The following TENM1 variants were observed in gnomAD, a reference collection of about 807,000 sequenced individuals.
The protein encoded by TENM1 is teneurin transmembrane protein 1.
In TENM1, 35 loss-of-function variants were observed where a neutral mutation model predicts 174.8. The ratio of observed to expected loss-of-function variants is 0.20; its 90% CI spans 0.15 to 0.27. TENM1 has a LOEUF of 0.27. Among genes scored for constraint, TENM1 ranks in the 10% least tolerant of loss-of-function variants. The probability of loss-of-function intolerance (pLI) is 1.00; values close to 1 mark genes in which losing one functional copy is unlikely to be tolerated. For missense variants in TENM1, 1,633 were observed against 2,130.1 expected, an observed-to-expected ratio of 0.77 and a Z score of 4.59; for synonymous variants, 781 against 798.7, an observed-to-expected ratio of 0.98 and a Z score of 0.37.
chrX:124,951,188 C>A (rs1398077057), intron 1 of TENM1, among the ~76,000 whole-genome samples: 3 of 111,791 alleles, frequency 2.7e-5, no homozygotes, highest in Admixed American at 1.9e-4. Context: ...TAAAAAGTAG[C>A]CTTGTTTAAT....
intron 23 of TENM1, among the ~76,000 whole-genome samples, chrX:124,425,689 A>G (rs2147761793): frequency 8.9e-6 from 1 of 112,368 alleles, no homozygotes; most frequent in African/African-American, 3.2e-5. Context: ...GCAACAAAAA[A>G]CAGACTAAAA....
At chrX:124,430,165 A>G (rs2060762812) in intron 23 of TENM1, among the ~76,000 whole-genome samples, 1 of 111,847 alleles carries the variant, frequency 8.9e-6, no homozygotes, top group East Asian at 2.8e-4. Flanking sequence ...CAACCATCTG[A>G]CAGATATCTG....
intron 16 of TENM1, among the ~76,000 whole-genome samples, chrX:124,527,449 G>T (rs183153237): frequency 3.3e-4 from 37 of 110,628 alleles, no homozygotes; most frequent in African/African-American, 1.2e-3. Flanking sequence ...ATTCAACGGG[G>T]ACTTTGAGAG....
At chrX:124,888,967 C>T (rs1471256235) in intron 3 of TENM1, among the ~76,000 whole-genome samples, 2 of 112,120 alleles carry the variant, frequency 1.8e-5, no homozygotes, top group Non-Finnish European at 3.8e-5. Context: ...TGTCTTACAT[C>T]GTGGTTATTC....
chrX:124,958,106 A>C (rs2058604658), intron 1 of TENM1, among the ~76,000 whole-genome samples: 1 of 111,639 alleles, frequency 9.0e-6, no homozygotes, highest in African/African-American at 3.3e-5. Context: ...AGTCATATGA[A>C]ATAAGCCTGC....
At chrX:125,127,379 T>C in the TENM1 span, among the ~76,000 whole-genome samples, 1 of 111,302 alleles carries the variant, frequency 9.0e-6, no homozygotes. Flanking sequence ...AATTAAATGG[T>C]CTTTGTAATA....
At chrX:125,199,481 G>C in the TENM1 span, among the ~76,000 whole-genome samples, 1 of 112,006 alleles carries the variant, frequency 8.9e-6, no homozygotes, top group South Asian at 3.6e-4. Context: ...ATAGAGCGGG[G>C]GTGGAGAATC....
the TENM1 span, among the ~76,000 whole-genome samples, chrX:125,148,249 G>A: frequency 4.6e-5 from 5 of 109,070 alleles, no homozygotes; most frequent in Admixed American, 9.9e-5. Flanking sequence ...CTCTTTTCCC[G>A]CAGCATTCAA....
At chrX:124,427,063 C>T (rs2012850488) in intron 23 of TENM1, among the ~76,000 whole-genome samples, 1 of 112,015 alleles carries the variant, frequency 8.9e-6, no homozygotes, top group South Asian at 3.8e-4. Flanking sequence ...TGAGCTGGGG[C>T]TGGCTGAGGA....
the TENM1 span, among the ~76,000 whole-genome samples, chrX:125,146,277 G>A: frequency 9.0e-6 from 1 of 111,088 alleles, no homozygotes; most frequent in Admixed American, 9.6e-5. Flanking sequence ...AGATAAGGAA[G>A]GGAGAATCCA....
the TENM1 span, among the ~76,000 whole-genome samples, chrX:125,183,100 C>G: frequency 8.9e-6 from 1 of 112,150 alleles, no homozygotes; most frequent in East Asian, 2.8e-4. Flanking sequence ...GATTCATGAA[C>G]TTCATTTACT....
At chrX:124,767,898 G>A (rs913115276) in intron 3 of TENM1, among the ~76,000 whole-genome samples, 1 of 111,343 alleles carries the variant, frequency 9.0e-6, no homozygotes, top group African/African-American at 3.3e-5. Flanking sequence ...TTTATGGATA[G>A]TTGGGTCATT....
chrX:124,452,778 A>T (rs2061054589), intron 23 of TENM1, among the ~76,000 whole-genome samples: 1 of 104,053 alleles, frequency 9.6e-6, no homozygotes, highest in African/African-American at 3.5e-5. Flanking sequence ...AAAAAACCAA[A>T]CATCGCATGT....
intron 1 of TENM1, among the ~76,000 whole-genome samples, chrX:124,954,315 A>G (rs1343237848): frequency 1.8e-5 from 2 of 110,777 alleles, no homozygotes; most frequent in Non-Finnish European, 3.8e-5. Context: ...TGACCTTCAA[A>G]AAGATGCCTG....
At chrX:124,380,840 T>G in exon 32 of TENM1, 1 of 1,211,526 alleles carries the variant, frequency 8.3e-7, no homozygotes, top group Non-Finnish European at 1.1e-6. Context: ...GGCTCCATGC[T>G]GGAGCTGAAT....
intron 28 of TENM1, among the ~76,000 whole-genome samples, chrX:124,389,874 G>C (rs2060264333): frequency 8.9e-6 from 1 of 112,070 alleles, no homozygotes; most frequent in African/African-American, 3.2e-5. Context: ...GCGTTCTGTA[G>C]GTTCTGAGTT....
the TENM1 span, among the ~76,000 whole-genome samples, chrX:125,138,414 T>C: frequency 9.0e-6 from 1 of 111,252 alleles, no homozygotes; most frequent in Non-Finnish European, 1.9e-5. Context: ...CTTCAGCACA[T>C]AAATCTCCAA....
At chrX:125,033,621 C>T in the TENM1 span, among the ~76,000 whole-genome samples, 1 of 111,276 alleles carries the variant, frequency 9.0e-6, no homozygotes, top group Non-Finnish European at 1.9e-5. Context: ...GCTACAGTTC[C>T]TTCTTTTGAA....
intron 25 of TENM1, among the ~76,000 whole-genome samples, chrX:124,410,274 A>T (rs1411862391): frequency 8.9e-6 from 1 of 112,190 alleles, no homozygotes; most frequent in Non-Finnish European, 1.9e-5. Context: ...TGGGGAAAGG[A>T]TTCCCTATTT....
Sources: gnomAD v4.1 joint callset for allele counts (sites outside exome capture counted in the v4.1 genomes callset) on GRCh38, gnomAD v4.1.1 for gene constraint, MANE v1.5 for transcripts, NCBI Gene and HGNC (gene_info 2026-07-23, HGNC 2026-07-21) for gene names.